Variants in LRRC7 observed in about 807,000 individuals in gnomAD.
The protein encoded by LRRC7 is leucine rich repeat containing 7.
A neutral mutation model predicts 175.7 loss-of-function variants in LRRC7; 23 were observed. That is an observed-to-expected ratio of 0.13 (90% CI 0.09 to 0.19). The LOEUF (loss-of-function observed/expected upper bound fraction) is 0.19, where lower values mean the gene tolerates loss of function less well. Ranked by LOEUF, LRRC7 falls within the 10% of genes least tolerant of loss-of-function variation. The probability of loss-of-function intolerance (pLI) is 1.00; values close to 1 mark genes in which losing one functional copy is unlikely to be tolerated. For missense variants in LRRC7, 1,354 were observed against 1,904.7 expected, an observed-to-expected ratio of 0.71 and a Z score of 5.38; for synonymous variants, 685 against 680.9, an observed-to-expected ratio of 1.01 and a Z score of -0.09.
intron 1 of LRRC7, among the ~76,000 whole-genome samples, chr1:69,675,795 C>G (rs917027599): frequency 6.6e-6 from 1 of 152,052 alleles, no homozygotes; most frequent in South Asian, 2.1e-4. Flanking sequence ...CCCCGCCCCC[C>G]ACACGCACAC....
In LRRC7 at chr1:69,994,636, A is replaced by G; in HGVS notation, c.1004+3A>G. The G allele has an allele frequency of 6.2e-7, 1 of 1,603,230 alleles. No homozygotes were observed. Among genetic ancestry groups the G allele is most frequent in the Non-Finnish European group, 8.5e-7 (1 of 1,171,900 alleles). The stretch of plus-strand genomic sequence containing the variant: ...ATGCTACCCAATACAATTGGAAAGT[A>G]AGTGCCAACTTTTCATTCCAGTCTG... On this transcript the variant is annotated splice_donor_region_variant and intron_variant, in intron 11 of 26. Coordinates refer to ENST00000651989, the MANE Select transcript of LRRC7 (RefSeq NM_001370785.2).
chr1:69,887,288 C>G lies in LRRC7; in HGVS notation c.648-44219C>G, dbSNP rs1377859263. Among the ~76,000 whole-genome samples, 402 of 126,726 alleles carry G rather than the reference C, an allele frequency of 3.2e-3. 1 individual carries two copies. The highest frequency in any genetic ancestry group is 0.012 in the African/African-American group (372 of 30,736). 83.1% of individuals were successfully genotyped at this position (126,726 alleles called of 152,430 possible). A position where few individuals can be genotyped will look rare whatever the true frequency, so the allele number is the denominator to read the frequency against. On this transcript the variant is annotated intron_variant, in intron 7 of 26. Coordinates refer to ENST00000651989, the MANE Select transcript of LRRC7 (RefSeq NM_001370785.2). The stretch of plus-strand genomic sequence containing the variant: ...CGTAGATTTGGTCTTTTCACATAGT[C>G]CCATATTTCTTGGAGGCTTTGCTCA...
chr1:69,865,883 G>A (rs982167085), intron 7 of LRRC7, among the ~76,000 whole-genome samples: 1 of 152,158 alleles, frequency 6.6e-6, no homozygotes, highest in Non-Finnish European at 1.5e-5. Flanking sequence ...TTCACCAGCA[G>A]TAATGAGTGA....
At chr1:69,940,318 T>A (rs1648581127) in intron 8 of LRRC7, among the ~76,000 whole-genome samples, 2 of 152,144 alleles carry the variant, frequency 1.3e-5, no homozygotes, top group Non-Finnish European at 2.9e-5. Flanking sequence ...AAATAAATCA[T>A]CTTTGCTTCT....
At chr1:69,860,372 A>G (rs953721372) in intron 7 of LRRC7, among the ~76,000 whole-genome samples, 1 of 151,976 alleles carries the variant, frequency 6.6e-6, no homozygotes, top group African/African-American at 2.4e-5. Flanking sequence ...CCCATTTTAT[A>G]GATGAGGAAA....
Position 69,718,135 on chromosome 1 carries a change from A to AG in LRRC7, c.100+39657_100+39658insG, listed in dbSNP as rs1491180367. Among the ~76,000 whole-genome samples, 6 of 57,550 alleles carry AG rather than the reference A, an allele frequency of 1.0e-4. 1 individual carries two copies. Among genetic ancestry groups the AG allele is most frequent in the African/African-American group, 4.2e-4 (5 of 12,034 alleles). The allele number at this position is 57,550 out of a possible 152,430, so 37.8% of individuals were successfully genotyped here. A position where few individuals can be genotyped will look rare whatever the true frequency, so the allele number is the denominator to read the frequency against. On this transcript the variant is annotated intron_variant, in intron 2 of 26. Transcript: ENST00000651989. ...AAAGAAAGAAAGAAAGAAAAGAAAG[A>AG]AAGAGAGAGAAAGAAAGAAAGAAAG...
At chr1:69,873,317 T>C (rs1391974428) in intron 7 of LRRC7, 2 of 375,856 alleles carry the variant, frequency 5.3e-6, no homozygotes, top group Non-Finnish European at 1.1e-5. Context: ...TTTACAAAAA[T>C]ATTACTTAAA....
intron 22 of LRRC7, among the ~76,000 whole-genome samples, chr1:70,052,699 A>G (rs1273238925): frequency 6.6e-6 from 1 of 152,150 alleles, no homozygotes; most frequent in Admixed American, 6.6e-5. Flanking sequence ...AGCAAGTTTT[A>G]AGTGCTGTGT....
At position 70,028,237 on chromosome 1, in the gene LRRC7, G is replaced by A; in HGVS notation, c.1861G>A (p.Val621Ile). ...PEDLKNMVKS[V>I]QNLVGKPSHG... The stretch of plus-strand genomic sequence containing the variant: ...GGATTTAAAGAATATGGTAAAATCT[G>A]TTCAAAATTTGGTGGGTAAGCCAAG... Residue 621 changes from valine to isoleucine, a missense_variant, in exon 18 of 27, where the codon GTT becomes ATT. Val to Ile is a conservative substitution (Grantham distance 29). Around this residue, in one of 4 missense-constraint regions of LRRC7, gnomAD observed 1,032 missense variants for 1,227.2 expected, o/e 0.84. Transcript: ENST00000651989. 6.2e-7 allele frequency: 1 copy of A among 1,613,780 alleles called. No homozygotes were observed. Among genetic ancestry groups the A allele is most frequent in the Non-Finnish European group, 8.5e-7 (1 of 1,179,764 alleles).
At chr1:69,604,824 G>T (rs1025975378) in intron 1 of LRRC7, among the ~76,000 whole-genome samples, 1 of 152,120 alleles carries the variant, frequency 6.6e-6, no homozygotes. Flanking sequence ...CTTAAAAAGT[G>T]TCCACTCTGT....
At chr1:69,973,613 T>G (rs987577961) in intron 8 of LRRC7, among the ~76,000 whole-genome samples, 3 of 152,162 alleles carry the variant, frequency 2.0e-5, no homozygotes, top group Non-Finnish European at 4.4e-5. Context: ...GTAAATCACC[T>G]TGAAAAGGAT....
chr1:69,802,863 T>G (rs1040095425), intron 4 of LRRC7, among the ~76,000 whole-genome samples: 1 of 151,470 alleles, frequency 6.6e-6, no homozygotes, highest in African/African-American at 2.4e-5. Flanking sequence ...TTCCCTACTC[T>G]AATATCACAA....
intron 1 of LRRC7, among the ~76,000 whole-genome samples, chr1:69,647,619 C>T (rs552450862): frequency 4.6e-5 from 7 of 151,630 alleles, no homozygotes; most frequent in Non-Finnish European, 8.8e-5. Flanking sequence ...GCCTATAGGC[C>T]CCTTCAATTT....
chr1:69,868,133 G>A (rs1321255210), intron 7 of LRRC7, among the ~76,000 whole-genome samples: 2 of 151,972 alleles, frequency 1.3e-5, no homozygotes, highest in African/African-American at 4.8e-5. Flanking sequence ...CAACATGGTG[G>A]ACTATATTAT....
At chr1:69,716,561 A>C (rs1015961407) in intron 2 of LRRC7, among the ~76,000 whole-genome samples, 1 of 151,898 alleles carries the variant, frequency 6.6e-6, no homozygotes, top group Admixed American at 6.6e-5. Flanking sequence ...ATATTTATCC[A>C]CTATGTAAAT....
chr1:69,725,257 G>A (rs1021059550), intron 2 of LRRC7, among the ~76,000 whole-genome samples: 3 of 152,102 alleles, frequency 2.0e-5, no homozygotes, highest in Admixed American at 2.0e-4. Flanking sequence ...AGTAGGGGGA[G>A]GAGGAGGAAG....
At chr1:69,889,655 A>C (rs1482406079) in intron 7 of LRRC7, among the ~76,000 whole-genome samples, 1 of 152,146 alleles carries the variant, frequency 6.6e-6, no homozygotes, top group Non-Finnish European at 1.5e-5. Flanking sequence ...AAAATATACA[A>C]AATTAGCTAG....
chr1:69,646,909 T>C (rs1451726874), intron 1 of LRRC7, among the ~76,000 whole-genome samples: 1 of 152,072 alleles, frequency 6.6e-6, no homozygotes, highest in Non-Finnish European at 1.5e-5. Flanking sequence ...CCCTGCATCA[T>C]GGGAGCTGCT....
At chr1:69,928,944 A>T (rs1352138472) in intron 7 of LRRC7, among the ~76,000 whole-genome samples, 2 of 152,182 alleles carry the variant, frequency 1.3e-5, no homozygotes, top group African/African-American at 4.8e-5. Context: ...CTATTTGGCC[A>T]TCTTGGCTGC....
Sources: allele counts gnomAD v4.1 joint callset (sites outside exome capture counted in the v4.1 genomes callset), GRCh38; gene constraint gnomAD v4.1.1; regional missense constraint gnomAD v4.1.1; transcripts MANE v1.5; gene names NCBI Gene and HGNC (gene_info 2026-07-23, HGNC 2026-07-21).